TMEM40: variants seen among roughly 807,000 people sequenced by gnomAD.
The protein encoded by TMEM40 is transmembrane protein 40.
TMEM40 carries 34 observed loss-of-function variants against 40.8 expected under a neutral mutation model. The ratio of observed to expected loss-of-function variants is 0.83; its 90% CI spans 0.63 to 1.11. The LOEUF (loss-of-function observed/expected upper bound fraction) is 1.11. TMEM40 is among the 50% of genes least tolerant of loss of function. The pLI is 0.00. For synonymous variants in TMEM40, 106 were observed against 107.0 expected, an observed-to-expected ratio of 0.99 and a Z score of 0.06; for missense variants, 296 against 280.2, an observed-to-expected ratio of 1.06 and a Z score of -0.40.
At chr3:12,769,226 C>T in intron 1 of TMEM40, 1 of 398,674 alleles carries the variant, frequency 2.5e-6, no homozygotes, top group Non-Finnish European at 5.2e-6. Flanking sequence ...AGCCCCGGTT[C>T]CCGCCCGTGC....
chr3:12,763,654 C>T (rs553675313), upstream of TMEM40, among the ~76,000 whole-genome samples: 3 of 152,240 alleles, frequency 2.0e-5, no homozygotes, highest in East Asian at 5.8e-4. Flanking sequence ...CCTCAGTCTC[C>T]CCATCCATAA....
At chr3:12,745,247 T>TTTTTTTTTA (rs2061418458) in intron 3 of TMEM40, among the ~76,000 whole-genome samples, 1 of 134,446 alleles carries the variant, frequency 7.4e-6, no homozygotes, top group African/African-American at 2.8e-5. Context: ...TTTTTTTTTT[T>TTTTTTTTTA]ACTAGAGACG....
At chr3:12,739,402 A>C (rs2106607942) in intron 5 of TMEM40, among the ~76,000 whole-genome samples, 1 of 152,046 alleles carries the variant, frequency 6.6e-6, no homozygotes, top group Non-Finnish European at 1.5e-5. Flanking sequence ...CTCCTGCCTC[A>C]GCCTCACGAG....
intron 11 of TMEM40, 40 bp downstream of exon 11, chr3:12,735,515 G>C (rs1481232329): frequency 6.3e-7 from 1 of 1,592,130 alleles, no homozygotes; most frequent in Non-Finnish European, 8.6e-7. Context: ...GACCCTGCTA[G>C]GGAGAAAATG....
intron 3 of TMEM40, among the ~76,000 whole-genome samples, chr3:12,747,421 C>T (rs542630252): frequency 1.3e-5 from 2 of 152,252 alleles, no homozygotes; most frequent in African/African-American, 4.8e-5. Flanking sequence ...ATAATAGTAC[C>T]TTCCTTTATG....
chr3:12,734,671 G>T lies in TMEM40; in HGVS notation c.*103C>A. 7.4e-7 allele frequency: 1 copy of T among 1,344,898 alleles called. No homozygotes were observed. Among genetic ancestry groups the T allele is most frequent in the Non-Finnish European group, 1.0e-6 (1 of 971,482 alleles). The allele number at this position is 1,344,898 out of a possible 1,614,324, so 83.3% of individuals were successfully genotyped here. ...GTGTTCTGTTTATTGGTCTGGCTTG[G>T]TCTCCTGTGCGTCTCTCAGAATGCT... On this transcript the variant is annotated 3_prime_UTR_variant, in exon 12 of 12. Transcript: ENST00000314124.
intron 1 of TMEM40, among the ~76,000 whole-genome samples, chr3:12,756,937 G>T (rs1179403126): frequency 6.6e-6 from 1 of 151,946 alleles, no homozygotes; most frequent in African/African-American, 2.4e-5. Flanking sequence ...ACAAGAGCTT[G>T]TCAGTTCTCT....
At chr3:12,740,428 G>A (rs1362353240) in intron 5 of TMEM40, among the ~76,000 whole-genome samples, 1 of 151,594 alleles carries the variant, frequency 6.6e-6, no homozygotes. Flanking sequence ...TGGGCCAGGT[G>A]TGGTGGCTCA....
chr3:12,739,613 G>T (rs2061366012), intron 5 of TMEM40, among the ~76,000 whole-genome samples: 1 of 151,104 alleles, frequency 6.6e-6, no homozygotes, highest in African/African-American at 2.4e-5. Flanking sequence ...TAGAGACAGG[G>T]TCTTATTATG....
intron 6 of TMEM40, 92 bp downstream of exon 6, chr3:12,738,461 C>T: frequency 1.4e-6 from 2 of 1,426,630 alleles, no homozygotes; most frequent in Non-Finnish European, 2.0e-6. Flanking sequence ...CCAGGTATCC[C>T]AACAGGTGCT....
At chr3:12,744,391 C>A (rs1338315301) in intron 3 of TMEM40, among the ~76,000 whole-genome samples, 1 of 152,250 alleles carries the variant, frequency 6.6e-6, no homozygotes, top group South Asian at 2.1e-4. Flanking sequence ...CCTGGAATAT[C>A]CTTCCTGTTT....
At chr3:12,765,080 C>T (rs1266373103) in intron 1 of TMEM40, among the ~76,000 whole-genome samples, 1 of 152,110 alleles carries the variant, frequency 6.6e-6, no homozygotes, top group Middle Eastern at 3.2e-3. Flanking sequence ...TGGTCTTGAA[C>T]TCCCGACCTC....
rs749918585 is a variant in TMEM40, at chr3:12,769,274, G to A, written c.-32C>T. ...ACCTCCCGGAAGGCTGAGGGAGCCGGCTCCGGCCTCGGCCATCCCAGGAAG... is the reference window on the plus strand; with the variant it reads ...ACCTCCCGGAAGGCTGAGGGAGCCGACTCCGGCCTCGGCCATCCCAGGAAG... On this transcript the variant is annotated 5_prime_UTR_variant, in exon 1 of 12. Transcript: ENST00000264728. The A allele has an allele frequency of 2.9e-5, 12 of 412,770 alleles. 1 individual carries two copies. Among genetic ancestry groups the A allele is most frequent in the South Asian group, 2.0e-4 (12 of 60,926 alleles). The allele number at this position is 412,770 out of a possible 1,614,324, so 25.6% of individuals were successfully genotyped here.
At chr3:12,743,335 C>T (rs191527767) in intron 4 of TMEM40, among the ~76,000 whole-genome samples, 4 of 152,192 alleles carry the variant, frequency 2.6e-5, no homozygotes, top group Non-Finnish European at 5.9e-5. Context: ...GGCATGGTGG[C>T]GCATGCCTGT....
At chr3:12,763,525 G>C (rs1037720940), upstream of TMEM40, among the ~76,000 whole-genome samples, 2 of 152,098 alleles carry the variant, frequency 1.3e-5, no homozygotes, top group African/African-American at 2.4e-5. Context: ...CTGACAGCCC[G>C]GGGGAGCCAG....
rs1179889088 is a variant in TMEM40 at position 12,736,847 on chromosome 3, G to C, written c.473-12C>G. ...ATGGAAAAACTCATCTGTGAAGGCAGGGGTGGGCAATCACTATCTGCTGCT... is the reference window on the plus strand; with the variant it reads ...ATGGAAAAACTCATCTGTGAAGGCACGGGTGGGCAATCACTATCTGCTGCT... On this transcript the variant is annotated splice_polypyrimidine_tract_variant and intron_variant, in intron 8 of 11. Transcript: ENST00000314124. 11 of 1,614,016 alleles carry C rather than the reference G, an allele frequency of 6.8e-6. No homozygotes were observed. The African/African-American group carries it at 8.0e-5, about 12-fold the overall frequency.
chr3:12,747,806 G>A (rs1235839222), intron 3 of TMEM40, among the ~76,000 whole-genome samples: 1 of 151,142 alleles, frequency 6.6e-6, no homozygotes, highest in Non-Finnish European at 1.5e-5. Flanking sequence ...AGCTACTCGG[G>A]AGGCTGAGGC....
intron 1 of TMEM40, among the ~76,000 whole-genome samples, chr3:12,753,383 A>T (rs2061494173): frequency 6.6e-6 from 1 of 150,982 alleles, no homozygotes; most frequent in South Asian, 2.1e-4. Flanking sequence ...CACCTAGCTA[A>T]TTTTTTAGTT....
intron 1 of TMEM40, among the ~76,000 whole-genome samples, chr3:12,751,896 C>T (rs896954994): frequency 6.6e-6 from 1 of 152,138 alleles, no homozygotes; most frequent in South Asian, 2.1e-4. Context: ...TTTCCAGTCT[C>T]ATCTCCATCC....
Sources: allele counts gnomAD v4.1 joint callset (sites outside exome capture counted in the v4.1 genomes callset), GRCh38; gene constraint gnomAD v4.1.1; transcripts MANE v1.5; gene names NCBI Gene and HGNC (gene_info 2026-07-23, HGNC 2026-07-21).